DIP2B: variants seen among roughly 807,000 people sequenced by gnomAD.
The protein encoded by DIP2B is disco-interacting protein 2 homolog B.
In DIP2B, 76 loss-of-function variants were observed where a neutral mutation model predicts 198.0. The observed-to-expected ratio is 0.38, with a 90% confidence interval of 0.32 to 0.46. The LOEUF is 0.46. Ranked by LOEUF, DIP2B falls within the 20% of genes least tolerant of loss-of-function variation. The pLI is 0.99. For synonymous variants in DIP2B, 701 were observed against 739.1 expected, an observed-to-expected ratio of 0.95 and a Z score of 0.84; for missense variants, 1,559 against 1,978.4, an observed-to-expected ratio of 0.79 and a Z score of 4.02.
chr12:50,538,466 C>T (rs756340563), intron 1 of DIP2B, among the ~76,000 whole-genome samples: 11 of 151,820 alleles, frequency 7.2e-5, no homozygotes, highest in Non-Finnish European at 1.2e-4. Flanking sequence ...GTGCCCAGTC[C>T]CACTTCCCAA....
chr12:50,605,364 T>C (rs1291556552), intron 1 of DIP2B, among the ~76,000 whole-genome samples: 1 of 152,062 alleles, frequency 6.6e-6, no homozygotes, highest in Non-Finnish European at 1.5e-5. Context: ...GGCGGATCAT[T>C]GTAGGCCAGA....
At chr12:50,686,531 G>C (rs1233357347) in intron 11 of DIP2B, 42 bp from the exon 12 acceptor site, 2 of 1,583,294 alleles carry the variant, frequency 1.3e-6, no homozygotes, top group African/African-American at 2.7e-5. Context: ...TTCATTCCCT[G>C]ATGGCTTAGG....
rs189822495 is a variant in DIP2B, at chr12:50,697,137, C to T, written c.2010C>T (p.Cys670=). The change falls in exon 17 of 38, where the codon TGC becomes TGT. Residue 670 remains cysteine, a synonymous_variant. Coordinates refer to ENST00000301180, the MANE Select transcript of DIP2B (RefSeq NM_173602.3). ...TGAAGCCTGAGGCCATCTGTCCGTG[C>T]GCCACGTCTGCTGAAGCCATGACTG... ...HGLKPEAICP[C]ATSAEAMTVA... 134 of 1,614,052 alleles carry T rather than the reference C, an allele frequency of 8.3e-5. No homozygotes were observed. In the Admixed American group the frequency reaches 1.4e-3, roughly 16 times the overall value.
At position 50,655,769 on chromosome 12, in the gene DIP2B, C is replaced by G. The variant is rs182356546; in HGVS notation, c.302-4425C>G. 1.6e-4 allele frequency among the ~76,000 whole-genome samples: 24 copies of G among 152,298 alleles called. 1 individual carries two copies. The highest frequency in any genetic ancestry group is 4.8e-4 in the African/African-American group (20 of 41,562). ...CCAAGGCGGGTGGATTGCTTGAGCC[C>G]AGGAATTTGAGAGCAACCTGGGCAA... is the stretch of plus-strand genomic sequence containing the variant. On this transcript the variant is annotated intron_variant, in intron 3 of 37. Transcript: ENST00000301180.
intron 20 of DIP2B, among the ~76,000 whole-genome samples, chr12:50,706,036 T>C (rs556373801): frequency 7.2e-5 from 11 of 152,346 alleles, no homozygotes; most frequent in African/African-American, 2.4e-4. Flanking sequence ...CCTACAGCAT[T>C]CCTTAGACCT....
In DIP2B at chr12:50,693,014, G is replaced by A. The variant is rs1939247515; in HGVS notation, c.1719+1G>A. The A allele has an allele frequency of 6.2e-7, 1 of 1,610,624 alleles. No homozygotes were observed. Among genetic ancestry groups the A allele is most frequent in the Non-Finnish European group, 8.5e-7 (1 of 1,179,202 alleles). On this transcript the variant is annotated splice_donor_variant, in intron 14 of 37. Transcript: ENST00000301180. LOFTEE classifies it high-confidence loss of function. ...TGGGCTGTGGCACGGCATGTTTGCG[G>A]TAAGCTACTCAGATTTAAGGCCCTT...
At chr12:50,608,638 AAAG>A (rs1959004843) in intron 1 of DIP2B, among the ~76,000 whole-genome samples, 4 of 150,166 alleles carry the variant, frequency 2.7e-5, no homozygotes, top group African/African-American at 7.6e-5. Context: ...AAAAAAAAAA[AAAG>A]AAAGAAAAGA....
chr12:50,534,100 A>G (rs985170895), intron 1 of DIP2B, among the ~76,000 whole-genome samples: 1 of 152,134 alleles, frequency 6.6e-6, no homozygotes, highest in African/African-American at 2.4e-5. Context: ...TTTTTTAGTC[A>G]TTAGTCAACT....
intron 3 of DIP2B, among the ~76,000 whole-genome samples, chr12:50,653,346 CTTTTTTT>C (rs34185073): frequency 2.6e-5 from 2 of 76,634 alleles, no homozygotes; most frequent in Admixed American, 3.4e-4. Context: ...TTTTTCTTTT[CTTTTTTT>C]TTTTTTTTTT....
intron 1 of DIP2B, among the ~76,000 whole-genome samples, chr12:50,528,534 C>T (rs78762379): frequency 0.011 from 1,716 of 151,880 alleles, 28 homozygotes; most frequent in South Asian, 0.055. Context: ...TATTTCCAAA[C>T]GTCCATCCAT....
At chr12:50,617,666 G>A (rs546113196) in intron 1 of DIP2B, among the ~76,000 whole-genome samples, 12 of 152,128 alleles carry the variant, frequency 7.9e-5, no homozygotes, top group Admixed American at 2.6e-4. Context: ...AAAATTACCC[G>A]GCAGTGGTGG....
chr12:50,593,878 TCCCCTCTCCTCCCCTCCCCTCTCCTCCC>T (rs2139433629), intron 1 of DIP2B, among the ~76,000 whole-genome samples: 2 of 29,428 alleles, frequency 6.8e-5, no homozygotes, highest in East Asian at 3.9e-3. Flanking sequence ...TCCCCTCTCC[TCCCCTCTCCTCCCCTCCCCTCTCCTCCC>T]CTCCCCTCTC....
At chr12:50,680,420 G>A (rs1162065355) in intron 8 of DIP2B, 3 of 359,488 alleles carry the variant, frequency 8.3e-6, no homozygotes, top group Non-Finnish European at 1.0e-5. Context: ...GAAATATTAT[G>A]TAAACCAGGA....
At chr12:50,667,326 A>G (rs1938772446) in intron 4 of DIP2B, among the ~76,000 whole-genome samples, 1 of 152,182 alleles carries the variant, frequency 6.6e-6, no homozygotes, top group African/African-American at 2.4e-5. Context: ...TATTCGTTAT[A>G]TATAAGAGCT....
At chr12:50,696,362 TCAG>T (rs1939311928) in intron 16 of DIP2B, among the ~76,000 whole-genome samples, 1 of 152,246 alleles carries the variant, frequency 6.6e-6, no homozygotes, top group Non-Finnish European at 1.5e-5. Flanking sequence ...GTAGTATCTG[TCAG>T]TACTTCTGCA....
chr12:50,677,613 G>A (rs112327179), intron 7 of DIP2B, among the ~76,000 whole-genome samples: 3 of 152,076 alleles, frequency 2.0e-5, no homozygotes, highest in Non-Finnish European at 2.9e-5. Context: ...AGACTCTGTC[G>A]TGGGGGTAGG....
chr12:50,566,971 CAAAA>C (rs34854416), intron 1 of DIP2B, among the ~76,000 whole-genome samples: 32 of 78,448 alleles, frequency 4.1e-4, no homozygotes, highest in Middle Eastern at 5.9e-3. Context: ...GACTCCGTCT[CAAAA>C]AAAAAAAAAA....
At chr12:50,575,046 T>C (rs534728431) in intron 1 of DIP2B, among the ~76,000 whole-genome samples, 1 of 152,302 alleles carries the variant, frequency 6.6e-6, no homozygotes, top group East Asian at 1.9e-4. Context: ...CTTCACAGAC[T>C]CCTTTTGTTT....
At chr12:50,699,327 T>A in intron 19 of DIP2B, 125 bp downstream of exon 19, 1 of 1,390,248 alleles carries the variant, frequency 7.2e-7, no homozygotes, top group Non-Finnish European at 9.7e-7. Context: ...GGAGCTAGAC[T>A]TGCCTAAGTT....
Sources: allele counts gnomAD v4.1 joint callset (sites outside exome capture counted in the v4.1 genomes callset), GRCh38; gene constraint gnomAD v4.1.1; transcripts MANE v1.5; gene names NCBI Gene and HGNC (gene_info 2026-07-23, HGNC 2026-07-21).